The following GRID2 variants were observed in gnomAD, a reference collection of about 807,000 sequenced individuals.
GRID2 encodes glutamate ionotropic receptor delta type subunit 2.
In GRID2, 33 loss-of-function variants were observed where a neutral mutation model predicts 114.8. The observed-to-expected ratio is 0.29, with a 90% CI of 0.22 to 0.38. The LOEUF is 0.38. Ranked by LOEUF, GRID2 falls within the 10% of genes least tolerant of loss-of-function variation. The probability of loss-of-function intolerance (pLI) is 1.00; values close to 1 mark genes in which losing one functional copy is unlikely to be tolerated. For missense variants in GRID2, 1,184 were observed against 1,257.7 expected, an observed-to-expected ratio of 0.94 and a Z score of 0.89; for synonymous variants, 505 against 449.9, an observed-to-expected ratio of 1.12 and a Z score of -1.55.
intron 1 of GRID2, among the ~76,000 whole-genome samples, chr4:92,337,616 A>T (rs1727255368): frequency 6.6e-6 from 1 of 152,182 alleles, no homozygotes; most frequent in Non-Finnish European, 1.5e-5. Context: ...TGAGCAAGAG[A>T]GGAGCTACCA....
intron 13 of GRID2, among the ~76,000 whole-genome samples, chr4:93,580,354 G>A (rs982713391): frequency 1.3e-5 from 2 of 152,166 alleles, no homozygotes; most frequent in African/African-American, 4.8e-5. Flanking sequence ...GTAGGCAAGT[G>A]GGGAGAGATA....
At position 92,472,175 on chromosome 4, in the gene GRID2, C is replaced by T. The variant is rs1451216056; in HGVS notation, c.89-117956C>T. ...GTCTCGATCTCCTGACCTCGTGATC[C>T]GCCCGCCTCGGCCTCCCAAAGTGCT... On this transcript the variant is annotated intron_variant, in intron 1 of 15. Transcript: ENST00000282020. Among the ~76,000 whole-genome samples, 7 of 61,226 alleles carry T rather than the reference C, an allele frequency of 1.1e-4. 2 individuals are homozygous for T. Among genetic ancestry groups the T allele is most frequent in the Admixed American group, 2.5e-4 (2 of 8,004 alleles). The allele number at this position is 61,226 out of a possible 152,430, so 40.2% of individuals were successfully genotyped here.
At chr4:93,501,122 T>C (rs1457892118) in intron 12 of GRID2, among the ~76,000 whole-genome samples, 1 of 151,990 alleles carries the variant, frequency 6.6e-6, no homozygotes, top group Non-Finnish European at 1.5e-5. Context: ...AGAAAGACAT[T>C]TTTTAGAATC....
intron 4 of GRID2, among the ~76,000 whole-genome samples, chr4:93,167,501 A>T (rs1003386736): frequency 8.5e-5 from 13 of 152,112 alleles, no homozygotes; most frequent in African/African-American, 3.1e-4. Context: ...AATGTGCTTA[A>T]ATTTGGGTAG....
intron 2 of GRID2, among the ~76,000 whole-genome samples, chr4:92,886,338 G>A (rs75258528): frequency 0.02 from 2,966 of 152,012 alleles, 50 homozygotes; most frequent in East Asian, 0.073. Flanking sequence ...GAAATATTGC[G>A]AGAATCACCA....
intron 2 of GRID2, among the ~76,000 whole-genome samples, chr4:93,028,313 A>C (rs747136511): frequency 1.3e-5 from 2 of 152,060 alleles, no homozygotes; most frequent in African/African-American, 4.8e-5. Context: ...GAATGAATTG[A>C]TGGTGCAAGC....
intron 8 of GRID2, among the ~76,000 whole-genome samples, chr4:93,314,727 A>G (rs1012965297): frequency 3.6e-5 from 5 of 138,966 alleles, no homozygotes; most frequent in South Asian, 4.8e-4. Context: ...TTTAAGATGT[A>G]CAACACGATG....
chr4:93,037,809 G>A (rs958512804), intron 2 of GRID2, among the ~76,000 whole-genome samples: 2 of 152,144 alleles, frequency 1.3e-5, no homozygotes, highest in African/African-American at 4.8e-5. Context: ...ATCTGTTTTG[G>A]TACCAGTACC....
intron 14 of GRID2, among the ~76,000 whole-genome samples, chr4:93,733,325 A>G (rs1448011964): frequency 6.6e-6 from 1 of 152,128 alleles, no homozygotes; most frequent in African/African-American, 2.4e-5. Flanking sequence ...ACACAGGTTC[A>G]CAACAGAAAT....
At chr4:92,741,832 G>T (rs530864932) in intron 2 of GRID2, among the ~76,000 whole-genome samples, 1 of 152,076 alleles carries the variant, frequency 6.6e-6, no homozygotes, top group Non-Finnish European at 1.5e-5. Context: ...TTCAGAATTG[G>T]TGTCTTAAGT....
At chr4:93,306,902 A>G (rs999936366) in intron 8 of GRID2, among the ~76,000 whole-genome samples, 8 of 152,158 alleles carry the variant, frequency 5.3e-5, no homozygotes, top group African/African-American at 1.9e-4. Context: ...TTTTTTAGAA[A>G]TAACCTACTG....
intron 4 of GRID2, among the ~76,000 whole-genome samples, chr4:93,198,993 T>C (rs901009963): frequency 6.6e-6 from 1 of 152,144 alleles, no homozygotes; most frequent in African/African-American, 2.4e-5. Context: ...ATTAATTTAC[T>C]CTGCCAAGGG....
chr4:92,315,446 T>C (rs932139257), intron 1 of GRID2, among the ~76,000 whole-genome samples: 2 of 152,184 alleles, frequency 1.3e-5, no homozygotes, highest in African/African-American at 4.8e-5. Flanking sequence ...TACAGAACAT[T>C]GAAAGATATT....
At chr4:93,609,282 A>G (rs1329133561) in intron 13 of GRID2, among the ~76,000 whole-genome samples, 2 of 80,636 alleles carry the variant, frequency 2.5e-5, no homozygotes, top group Admixed American at 2.2e-4. Flanking sequence ...CTCTGATGGT[A>G]GTTTCTTTTG....
At chr4:93,386,675 C>T (rs1764345864) in intron 8 of GRID2, among the ~76,000 whole-genome samples, 1 of 152,158 alleles carries the variant, frequency 6.6e-6, no homozygotes, top group Non-Finnish European at 1.5e-5. Flanking sequence ...GGATAACTGT[C>T]TTACTGCTCA....
intron 1 of GRID2, among the ~76,000 whole-genome samples, chr4:92,352,479 C>A (rs1001624151): frequency 1.3e-5 from 2 of 151,684 alleles, no homozygotes; most frequent in Non-Finnish European, 2.9e-5. Flanking sequence ...CCTTTCACTT[C>A]GTTGATTGTT....
In GRID2 at chr4:93,216,780, A is replaced by G. The variant is rs368344950; in HGVS notation, c.832A>G (p.Ile278Val). Reference sequence around the variant, plus strand: ...CGTACAGGAACTTGTAAGAAGGTCAATTGGAAGGTTAACGATTATTCGGCA... The same window carrying G: ...CGTACAGGAACTTGTAAGAAGGTCAGTTGGAAGGTTAACGATTATTCGGCA... ...VDVQELVRRS[I>V]GRLTIIRQTF... The change falls in exon 6 of 16, where the codon ATT (isoleucine) becomes GTT (valine). Residue 278 changes from isoleucine (I) to valine (V), a missense_variant. This residue lies in a region of GRID2 where 455 missense variants were observed against 429.5 expected (regional missense o/e 1.06). Coordinates refer to ENST00000282020, the MANE Select transcript of GRID2 (RefSeq NM_001510.4). The G allele has an allele frequency of 4.3e-6, 7 of 1,612,542 alleles. No individual in the cohort carries two copies. Among genetic ancestry groups the G allele is most frequent in the Admixed American group, 3.3e-5 (2 of 59,970 alleles).
intron 9 of GRID2, 35 bp from the exon 10 acceptor site, chr4:93,422,736 G>T: frequency 7.5e-7 from 1 of 1,337,048 alleles, no homozygotes; most frequent in South Asian, 1.2e-5. Context: ...GAGCACTATA[G>T]ATTGACATCA....
At chr4:93,082,047 A>G (rs1729915303) in intron 2 of GRID2, among the ~76,000 whole-genome samples, 1 of 152,094 alleles carries the variant, frequency 6.6e-6, no homozygotes, top group Non-Finnish European at 1.5e-5. Context: ...TTCAACCGAC[A>G]TTTTGTTTTG....
Sources: allele counts gnomAD v4.1 joint callset (sites outside exome capture counted in the v4.1 genomes callset), GRCh38; gene constraint gnomAD v4.1.1; regional missense constraint gnomAD v4.1.1; transcripts MANE v1.5; gene names NCBI Gene and HGNC (gene_info 2026-07-23, HGNC 2026-07-21).